Variants in PTPN13 observed in about 807,000 individuals in gnomAD.
PTPN13 encodes protein tyrosine phosphatase non-receptor type 13.
Under a neutral mutation model 284.0 loss-of-function variants are expected in PTPN13, and 191 were observed. That is an observed-to-expected ratio of 0.67 (90% confidence interval 0.60 to 0.76). The LOEUF is 0.76. Ranked by LOEUF, PTPN13 falls within the 30% of genes least tolerant of loss-of-function variation. PTPN13 has a pLI of 0.00. For missense variants in PTPN13, 2,797 were observed against 2,939.9 expected (o/e 0.95, Z 1.12); for synonymous variants, 986 against 1,022.3 (o/e 0.96, Z 0.68).
chr4:86,698,408 T>C (rs1377224597), intron 6 of PTPN13, among the ~76,000 whole-genome samples: 3 of 152,162 alleles, frequency 2.0e-5, no homozygotes, highest in Non-Finnish European at 4.4e-5. Context: ...TTACATATGA[T>C]TGGAACTCCC....
At chr4:86,711,358 T>G (rs1181884219) in intron 7 of PTPN13, among the ~76,000 whole-genome samples, 1 of 152,024 alleles carries the variant, frequency 6.6e-6, no homozygotes, top group Non-Finnish European at 1.5e-5. Context: ...CTTATTGTTT[T>G]CATTCTTTCA....
intron 2 of PTPN13, among the ~76,000 whole-genome samples, chr4:86,670,126 C>T (rs116554449): frequency 5.7e-4 from 85 of 149,990 alleles, no homozygotes; most frequent in Non-Finnish European, 8.6e-4. Context: ...TGTTTGAGTA[C>T]CCTAGGGCTC....
intron 1 of PTPN13, among the ~76,000 whole-genome samples, chr4:86,625,759 A>G (rs1721767208): frequency 6.6e-6 from 1 of 152,138 alleles, no homozygotes; most frequent in Non-Finnish European, 1.5e-5. Context: ...GGTCCTTGCG[A>G]TATGCCCCAC....
At chr4:86,735,454 C>A in intron 14 of PTPN13, 140 bp from the exon 15 acceptor site, 2 of 863,616 alleles carry the variant, frequency 2.3e-6, no homozygotes, top group African/African-American at 1.7e-5. Context: ...TGCATTTCTT[C>A]TAAAACTCAT....
intron 20 of PTPN13, 27 bp downstream of exon 20, chr4:86,753,092 C>T: frequency 6.5e-7 from 1 of 1,528,980 alleles, no homozygotes; most frequent in East Asian, 2.3e-5. Context: ...TTTTTCCCCT[C>T]ATTTCCATCA....
rs1378895020 is a variant in PTPN13, at chr4:86,811,108, G to A, written c.7362G>A (p.Glu2454=). The stretch of plus-strand genomic sequence containing the variant: ...AAAGACACGGAATGGTTCAGACAGA[G>A]GTGAGTCATGGCTGGGCCTCCTAAT... ...RLQRHGMVQT[E]DQYIFCYQVI... is the part of the protein sequence containing the mutation. Residue 2454 remains glutamate (E), a splice_region_variant and synonymous_variant, in exon 47 of 48, where the codon GAG becomes GAA. Coordinates refer to ENST00000411767, the MANE Select transcript of PTPN13 (RefSeq NM_080683.3). 6.2e-7 allele frequency: 1 copy of A among 1,611,796 alleles called. No individual in the cohort carries two copies. Among genetic ancestry groups the A allele is most frequent in the Non-Finnish European group, 8.5e-7 (1 of 1,178,408 alleles).
Position 86,784,506 on chromosome 4 carries a change from A to G in PTPN13, c.6066A>G (p.Gly2022=). Residue 2022 remains glycine, a synonymous_variant, in exon 38 of 48, where the codon GGA becomes GGG. Transcript: ENST00000411767. ...EEINEISYPK[G]KCSTYQIKGS... ...TAAATGAAATATCGTACCCCAAAGG[A>G]AAATGTTCTACTTATCAGATAAAGG... 6.2e-7 allele frequency: 1 copy of G among 1,607,654 alleles called. No homozygotes were observed. Among genetic ancestry groups the G allele is most frequent in the Non-Finnish European group, 8.5e-7 (1 of 1,177,910 alleles).
At chr4:86,780,533 C>A in intron 36 of PTPN13, 61 bp downstream of exon 36, 2 of 1,139,568 alleles carry the variant, frequency 1.8e-6, no homozygotes, top group Non-Finnish European at 2.6e-6. Flanking sequence ...AATGGCACAT[C>A]CATTTTGGAA....
chr4:86,731,096 G>C (rs187337433), intron 10 of PTPN13, among the ~76,000 whole-genome samples: 1 of 152,248 alleles, frequency 6.6e-6, no homozygotes, highest in East Asian at 1.9e-4. Flanking sequence ...CCTACACCAA[G>C]CAATCAGTGA....
At position 86,803,846 on chromosome 4, in the gene PTPN13, A is replaced by G. The variant is rs1422962918; in HGVS notation, c.6643A>G (p.Lys2215Glu). The G allele has an allele frequency of 1.2e-6, 2 of 1,613,528 alleles. No individual in the cohort carries two copies. Among genetic ancestry groups the G allele is most frequent in the East Asian group, 2.2e-5 (1 of 44,872 alleles). Reference sequence around the variant, plus strand: ...TTTGCTAGATCAAGGAATTCCTTCTAAGGAGCTGGAGGTAAGTGGCTTCTG... The same window carrying G: ...TTTGCTAGATCAAGGAATTCCTTCTGAGGAGCTGGAGGTAAGTGGCTTCTG... Reference protein sequence around the residue: ...RGLLDQGIPSKELENLQELKP... With the variant: ...RGLLDQGIPSEELENLQELKP... Residue 2215 changes from lysine to glutamate, a missense_variant, in exon 43 of 48, where the codon AAG becomes GAG. Transcript: ENST00000411767.
intron 47 of PTPN13, among the ~76,000 whole-genome samples, chr4:86,812,086 G>A (rs936251273): frequency 2.6e-5 from 4 of 151,952 alleles, no homozygotes; most frequent in South Asian, 4.2e-4. Flanking sequence ...CGAGGCGGGC[G>A]GATCACGAGG....
At position 86,638,846 on chromosome 4, in the gene PTPN13, A is replaced by C. The variant is rs546576498; in HGVS notation, c.115+3475A>C. On this transcript the variant is annotated intron_variant, in intron 2 of 47. Coordinates refer to ENST00000411767, the MANE Select transcript of PTPN13 (RefSeq NM_080683.3). ...TTGACAAATGGGATCTAATTAAACTAAAGAGCTTCTGCACAGCAAAAGAAA... is the reference window on the plus strand; with the variant it reads ...TTGACAAATGGGATCTAATTAAACTCAAGAGCTTCTGCACAGCAAAAGAAA... 1.5e-3 allele frequency among the ~76,000 whole-genome samples: 229 copies of C among 152,288 alleles called. 1 individual carries two copies. The highest frequency in any genetic ancestry group is 4.6e-3 in the African/African-American group (190 of 41,572).
chr4:86,775,225 C>G lies in PTPN13; in HGVS notation c.5563C>G (p.Arg1855Gly), dbSNP rs1216098431. The G allele has an allele frequency of 6.2e-7, 1 of 1,613,142 alleles. No homozygotes were observed. The highest frequency in any genetic ancestry group is 1.1e-5 in the South Asian group (1 of 90,938). The change falls in exon 34 of 48, where the codon CGG becomes GGG. Residue 1855 changes from arginine to glycine, a missense_variant. Arg to Gly is a moderately radical substitution (Grantham distance 125, BLOSUM62 -2). Coordinates refer to ENST00000411767, the MANE Select transcript of PTPN13 (RefSeq NM_080683.3). ...TCATACAGATGCAGTTAATCTGCTC[C>G]GGGCTGCATCCAAAACAGTCAGATT... ...MTHTDAVNLLRAASKTVRLVI... is the reference protein window; with the variant it reads ...MTHTDAVNLLGAASKTVRLVI...
rs558161798 is a variant in PTPN13, at chr4:86,707,067, AT to A, written c.1195+5268del. On this transcript the variant is annotated intron_variant, in intron 7 of 47. Coordinates refer to ENST00000411767, the MANE Select transcript of PTPN13 (RefSeq NM_080683.3). ...TGTGATTACCATACACGCCCTATCCATTGCTCTGTGGGTTGGCAGTAGATTC... is the reference window on the plus strand; with the variant it reads ...TGTGATTACCATACACGCCCTATCCATGCTCTGTGGGTTGGCAGTAGATTC... Among the ~76,000 whole-genome samples the A allele has an allele frequency of 3.4e-3, 512 of 152,190 alleles. 1 individual carries two copies. The highest frequency in any genetic ancestry group is 0.012 in the African/African-American group (495 of 41,520).
At chr4:86,624,865 CTTT>C (rs1267641760) in intron 1 of PTPN13, among the ~76,000 whole-genome samples, 1 of 152,110 alleles carries the variant, frequency 6.6e-6, no homozygotes, top group Non-Finnish European at 1.5e-5. Flanking sequence ...TGCAATGGTT[CTTT>C]AACATTATTG....
chr4:86,750,740 G>A lies in PTPN13; in HGVS notation c.2921G>A (p.Ser974Asn). 1 of 1,613,694 alleles carries A rather than the reference G, an allele frequency of 6.2e-7. No individual in the cohort carries two copies. The highest frequency in any genetic ancestry group is 8.5e-7 in the Non-Finnish European group (1 of 1,179,746). Residue 974 changes from serine to asparagine, a missense_variant, in exon 18 of 48, where the codon AGT becomes AAT. Ser to Asn is a conservative substitution (Grantham distance 46). Coordinates refer to ENST00000411767, the MANE Select transcript of PTPN13 (RefSeq NM_080683.3). The part of the protein sequence containing the change: ...REMSKSYHDL[S>N]QASLYPHRKN... ...ATGAGTAAATCATACCATGATCTCA[G>A]TCAGGCCTCTCTCTATCCACATCGG...
At chr4:86,678,120 C>A (rs921619315) in intron 3 of PTPN13, among the ~76,000 whole-genome samples, 1 of 152,182 alleles carries the variant, frequency 6.6e-6, no homozygotes, top group African/African-American at 2.4e-5. Flanking sequence ...AACTAACCAT[C>A]ACACTCAGTA....
At chr4:86,745,157 C>G (rs775836653) in intron 17 of PTPN13, 29 bp downstream of exon 17, 1 of 1,565,992 alleles carries the variant, frequency 6.4e-7, no homozygotes, top group Admixed American at 2.0e-5. Context: ...TTTCAGATGA[C>G]TCCTGGGAAT....
Position 86,594,649 on chromosome 4 carries a change from GC to G in PTPN13, c.-143del, listed in dbSNP as rs1408687203. The G allele has an allele frequency of 6.6e-6, 1 of 152,180 alleles. No homozygotes were observed. Among genetic ancestry groups the G allele is most frequent in the Non-Finnish European group, 1.5e-5 (1 of 68,096 alleles). 9.4% of individuals were successfully genotyped at this position (152,180 alleles called of 1,614,324 possible). On this transcript the variant is annotated 5_prime_UTR_variant, in exon 1 of 48. An upstream open reading frame in the 5' UTR loses its in-frame stop. Coordinates refer to ENST00000411767, the MANE Select transcript of PTPN13 (RefSeq NM_080683.3). ...CCAGGCTCCTTCTACAGCTCCTTCAGCCCACGCCCGCAGCCGCTTGTGGGAG... is the reference window on the plus strand; with the variant it reads ...CCAGGCTCCTTCTACAGCTCCTTCAGCCACGCCCGCAGCCGCTTGTGGGAG...
Sources: gnomAD v4.1 joint callset for allele counts (sites outside exome capture counted in the v4.1 genomes callset) on GRCh38, gnomAD v4.1.1 for gene constraint, MANE v1.5 for transcripts, NCBI Gene and HGNC (gene_info 2026-07-23, HGNC 2026-07-21) for gene names.